TMED9: variants seen among roughly 807,000 people sequenced by gnomAD.
TMED9 encodes the protein transmembrane p24 trafficking protein 9.
A neutral mutation model predicts 30.6 loss-of-function variants in TMED9; 22 were observed. That is an observed-to-expected ratio of 0.72 (90% CI 0.51 to 1.03). TMED9 has a LOEUF of 1.03. TMED9 is among the 50% of genes least tolerant of loss of function. The pLI is 0.00. For synonymous variants in TMED9, 146 were observed against 122.8 expected, an observed-to-expected ratio of 1.19 and a Z score of -1.25; for missense variants, 251 against 302.1, an observed-to-expected ratio of 0.83 and a Z score of 1.25.
At position 177,596,656 on chromosome 5, in the gene TMED9, A is replaced by G. The variant is rs530640350; in HGVS notation, c.*1240A>G. ...TCAGCTGCAGAGGGTGTTGTGAGGA[A>G]GCTGGAAAGGAAGGTTGGATTAGAG... On this transcript the variant is annotated 3_prime_UTR_variant, in exon 5 of 5. Transcript: ENST00000332598. 1.3e-5 allele frequency among the ~76,000 whole-genome samples: 2 copies of G among 152,288 alleles called. No individual in the cohort carries two copies. Among genetic ancestry groups the G allele is most frequent in the African/African-American group, 4.8e-5 (2 of 41,552 alleles).
At position 177,592,504 on chromosome 5, in the gene TMED9, G is replaced by C. The variant is rs903687589; in HGVS notation, c.185-71G>C. 3 of 1,561,324 alleles carry C rather than the reference G, an allele frequency of 1.9e-6. No homozygotes were observed. In the Admixed American group the frequency reaches 5.6e-5, roughly 29 times the overall value. Reference sequence around the variant, plus strand: ...AGAGCCGGGAGGAGACGGCCTCGCCGTGCCCAGGCGGTCGCGGAACCCATG... The same window carrying C: ...AGAGCCGGGAGGAGACGGCCTCGCCCTGCCCAGGCGGTCGCGGAACCCATG... On this transcript the variant is annotated intron_variant, in intron 1 of 4. Transcript: ENST00000332598.
rs1200667152 is a variant in TMED9, at chr5:177,596,844, A to G, written c.*1428A>G. 6.6e-6 allele frequency among the ~76,000 whole-genome samples: 1 copy of G among 152,114 alleles called. No individual in the cohort carries two copies. The highest frequency in any genetic ancestry group is 1.9e-4 in the East Asian group (1 of 5,192). On this transcript the variant is annotated 3_prime_UTR_variant, in exon 5 of 5. Coordinates refer to ENST00000332598, the MANE Select transcript of TMED9 (RefSeq NM_017510.6). ...TCCCTCTGGCCTCTGGGCCCTTTGCAGTAATCACCCAGGGTCTGGTAAAGC... is the reference window on the plus strand; with the variant it reads ...TCCCTCTGGCCTCTGGGCCCTTTGCGGTAATCACCCAGGGTCTGGTAAAGC...
In TMED9 at chr5:177,592,287, C is replaced by A; in HGVS notation, c.73C>A (p.Leu25Ile). ...GTGLGRVMRT[L>I]LLVLWLATRG... is the part of the protein sequence containing the mutation. ...CGGGCTGGGTAGAGTGATGCGGACCCTCCTGCTGGTGCTGTGGCTGGCGAC... is the reference window on the plus strand; with the variant it reads ...CGGGCTGGGTAGAGTGATGCGGACCATCCTGCTGGTGCTGTGGCTGGCGAC... The change falls in exon 1 of 5, where the codon CTC becomes ATC. Residue 25 changes from leucine (L) to isoleucine (I), a missense_variant. Coordinates refer to ENST00000332598, the MANE Select transcript of TMED9 (RefSeq NM_017510.6). 1 of 1,611,852 alleles carries A rather than the reference C, an allele frequency of 6.2e-7. No individual in the cohort carries two copies.
At chr5:177,592,470 C>A (rs945121526) in intron 1 of TMED9, 72 bp downstream of exon 1, 1 of 1,554,008 alleles carries the variant, frequency 6.4e-7, no homozygotes, top group African/African-American at 1.4e-5. Context: ...GCGAGACAGT[C>A]AGCTCTCTAG....
chr5:177,593,248 C>T (rs773609589), intron 2 of TMED9: 15 of 167,644 alleles, frequency 8.9e-5, no homozygotes, highest in Non-Finnish European at 1.8e-4. Flanking sequence ...ATTGCTTGAA[C>T]CTGGGAAGCT....
Position 177,596,948 on chromosome 5 carries a change from G to A in TMED9, c.*1532G>A, listed in dbSNP as rs944124865. Among the ~76,000 whole-genome samples the A allele has an allele frequency of 6.6e-6, 1 of 152,134 alleles. No homozygotes were observed. Among genetic ancestry groups the A allele is most frequent in the Non-Finnish European group, 1.5e-5 (1 of 68,030 alleles). ...GAGGCTGCTGTTGGGGGTTGGGGGA[G>A]GCAAATGGGCAGGCAGTTTTGAGAA... On this transcript the variant is annotated 3_prime_UTR_variant, in exon 5 of 5. Transcript: ENST00000332598.
rs936432295 is a variant in TMED9 at position 177,595,824 on chromosome 5, C to T, written c.*408C>T. On this transcript the variant is annotated 3_prime_UTR_variant, in exon 5 of 5. Coordinates refer to ENST00000332598, the MANE Select transcript of TMED9 (RefSeq NM_017510.6). Reference sequence around the variant, plus strand: ...TGGGGTATGGTGCCTGTCATACCCACCTGCCACCCTGGGAACCTCACTGTT... The same window carrying T: ...TGGGGTATGGTGCCTGTCATACCCATCTGCCACCCTGGGAACCTCACTGTT... 1 of 154,678 alleles carries T rather than the reference C, an allele frequency of 6.5e-6. No homozygotes were observed. Among genetic ancestry groups the T allele is most frequent in the South Asian group, 2.0e-4 (1 of 5,102 alleles). 9.6% of individuals were successfully genotyped at this position (154,678 alleles called of 1,614,324 possible).
rs759506866 is a variant in TMED9, at chr5:177,592,241, C to T, written c.27C>T (p.Leu9=). Residue 9 remains leucine (L), a synonymous_variant, in exon 1 of 5, where the codon CTC becomes CTT. Transcript: ENST00000332598. MAVELGVL[L]VRPRPGTGLG... ...TGGCTGTGGAGCTGGGCGTGCTGCT[C>T]GTCCGGCCCCGGCCCGGAACCGGGC... 33 of 1,609,408 alleles carry T rather than the reference C, an allele frequency of 2.1e-5. No individual in the cohort carries two copies. The highest frequency in any genetic ancestry group is 2.3e-5 in the Non-Finnish European group (27 of 1,178,492).
intron 2 of TMED9, among the ~76,000 whole-genome samples, chr5:177,592,922 C>T (rs1291771186): frequency 6.6e-6 from 1 of 152,108 alleles, no homozygotes; most frequent in African/African-American, 2.4e-5. Context: ...ATACTTTCCC[C>T]ACAAAATGAG....
rs943330218 is a variant in TMED9 at position 177,592,229 on chromosome 5, G to A, written c.15G>A (p.Leu5=). 5.0e-6 allele frequency: 8 copies of A among 1,606,926 alleles called. No individual in the cohort carries two copies. The highest frequency in any genetic ancestry group is 6.8e-6 in the Non-Finnish European group (8 of 1,177,544). Residue 5 remains leucine, a synonymous_variant, in exon 1 of 5, where the codon CTG becomes CTA. Coordinates refer to ENST00000332598, the MANE Select transcript of TMED9 (RefSeq NM_017510.6). ...GGTGGAGCAAGATGGCTGTGGAGCTGGGCGTGCTGCTCGTCCGGCCCCGGC... is the reference window on the plus strand; with the variant it reads ...GGTGGAGCAAGATGGCTGTGGAGCTAGGCGTGCTGCTCGTCCGGCCCCGGC... MAVE[L]GVLLVRPRPG... is the part of the protein sequence containing the mutation.
At position 177,595,320 on chromosome 5, in the gene TMED9, G is replaced by A. The variant is rs752291089; in HGVS notation, c.612G>A (p.Leu204=). ...QTSESTNQRV[L]WWSILQTLIL... is the part of the protein sequence containing the mutation. ...GTGAGAGCACCAACCAGCGGGTGCT[G>A]TGGTGGTCCATTCTGCAGACCCTCA... The change falls in exon 5 of 5, where the codon CTG becomes CTA. Residue 204 remains leucine (L), a synonymous_variant. Coordinates refer to ENST00000332598, the MANE Select transcript of TMED9 (RefSeq NM_017510.6). The A allele has an allele frequency of 3.7e-5, 59 of 1,612,288 alleles. No individual in the cohort carries two copies. Among genetic ancestry groups the A allele is most frequent in the Non-Finnish European group, 5.0e-5 (59 of 1,178,812 alleles).
At position 177,596,688 on chromosome 5, in the gene TMED9, C is replaced by T. The variant is rs567234361; in HGVS notation, c.*1272C>T. On this transcript the variant is annotated 3_prime_UTR_variant, in exon 5 of 5. Transcript: ENST00000332598. ...AAGGAAGGTTGGATTAGAGAAGCCT[C>T]GAGCTCCAGGTAAGCGATTTGGACA... is the stretch of plus-strand genomic sequence containing the variant. Among the ~76,000 whole-genome samples, 15 of 152,236 alleles carry T rather than the reference C, an allele frequency of 9.9e-5. No individual in the cohort carries two copies. In the South Asian group the frequency reaches 2.9e-3, roughly 29 times the overall value.
At position 177,597,157 on chromosome 5, in the gene TMED9, T is replaced by A. The variant is rs1311340180; in HGVS notation, c.*1741T>A. 6.6e-6 allele frequency among the ~76,000 whole-genome samples: 1 copy of A among 151,282 alleles called. No homozygotes were observed. Among genetic ancestry groups the A allele is most frequent in the African/African-American group, 2.4e-5 (1 of 41,108 alleles). On this transcript the variant is annotated 3_prime_UTR_variant, in exon 5 of 5. Coordinates refer to ENST00000332598, the MANE Select transcript of TMED9 (RefSeq NM_017510.6). ...CGGGCACGGTGGTTCACACCTGTAA[T>A]CCCAGCACTTTGGGAGGCTGAGGTA...
In TMED9 at chr5:177,596,163, G is replaced by A. The variant is rs535485678; in HGVS notation, c.*747G>A. 6.5e-6 allele frequency: 1 copy of A among 152,734 alleles called. No individual in the cohort carries two copies. The highest frequency in any genetic ancestry group is 6.5e-5 in the Admixed American group (1 of 15,304). 9.5% of individuals were successfully genotyped at this position (152,734 alleles called of 1,614,324 possible). On this transcript the variant is annotated 3_prime_UTR_variant, in exon 5 of 5. Coordinates refer to ENST00000332598, the MANE Select transcript of TMED9 (RefSeq NM_017510.6). ...CATCAGTGGGCACACACTGCAGGGTGCCTCAGGGAATGCCAGTTCTTCCAA... is the reference window on the plus strand; with the variant it reads ...CATCAGTGGGCACACACTGCAGGGTACCTCAGGGAATGCCAGTTCTTCCAA...
chr5:177,595,287 G>A lies in TMED9; in HGVS notation c.579G>A (p.Arg193=). The change falls in exon 5 of 5, where the codon CGG becomes CGA. Residue 193 remains arginine (R), a synonymous_variant. Coordinates refer to ENST00000332598, the MANE Select transcript of TMED9 (RefSeq NM_017510.6). ...NYQRWREERF[R]QTSESTNQRV... ...TGCAGTGGCGAGAGGAGCGCTTCCGGCAGACCAGTGAGAGCACCAACCAGC... is the reference window on the plus strand; with the variant it reads ...TGCAGTGGCGAGAGGAGCGCTTCCGACAGACCAGTGAGAGCACCAACCAGC... 6.2e-7 allele frequency: 1 copy of A among 1,600,414 alleles called. No individual in the cohort carries two copies.
chr5:177,594,069 G>A (rs773852801), intron 3 of TMED9, 70 bp from the exon 4 acceptor site: 70 of 1,586,144 alleles, frequency 4.4e-5, no homozygotes, highest in Admixed American at 1.0e-4. Context: ...TCGGGGATGA[G>A]CTGTCAGTCT....
At chr5:177,594,060 C>A in intron 3 of TMED9, 79 bp from the exon 4 acceptor site, 1 of 1,570,016 alleles carries the variant, frequency 6.4e-7, no homozygotes, top group Non-Finnish European at 8.7e-7. Flanking sequence ...GAAGGAAAGT[C>A]GGGGATGAGC....
chr5:177,594,845 C>CT (rs1383691286), intron 4 of TMED9, among the ~76,000 whole-genome samples: 1 of 152,174 alleles, frequency 6.6e-6, no homozygotes, highest in African/African-American at 2.4e-5. Flanking sequence ...AGACTGTGCA[C>CT]TGTGTGAGGC....
chr5:177,594,527 T>G (rs1767649874), intron 4 of TMED9, among the ~76,000 whole-genome samples: 1 of 152,176 alleles, frequency 6.6e-6, no homozygotes, highest in Non-Finnish European at 1.5e-5. Context: ...TACCAACACC[T>G]TGGGTGCTGT....
Sources: gnomAD v4.1 joint callset for allele counts (sites outside exome capture counted in the v4.1 genomes callset) on GRCh38, gnomAD v4.1.1 for gene constraint, MANE v1.5 for transcripts, NCBI Gene and HGNC (gene_info 2026-07-23, HGNC 2026-07-21) for gene names.